Variants in ZFR2 observed in about 807,000 individuals in gnomAD.
The protein encoded by ZFR2 is zinc finger RNA-binding protein 2.
ZFR2 carries 104 observed loss-of-function variants against 105.7 expected under a neutral mutation model. The ratio of observed to expected loss-of-function variants is 0.98; its 90% confidence interval spans 0.84 to 1.16. The LOEUF (loss-of-function observed/expected upper bound fraction) is 1.16, where lower values mean the gene tolerates loss of function less well. ZFR2 is among the 50% of genes most tolerant of loss of function. ZFR2 has a pLI of 0.00. For synonymous variants in ZFR2, 634 were observed against 597.7 expected (o/e 1.06, Z -0.89); for missense variants, 1,425 against 1,355.5 (o/e 1.05, Z -0.80).
At position 3,805,832 on chromosome 19, in the gene ZFR2, G is replaced by T. The variant is rs565184141; in HGVS notation, c.*117C>A. ...GTGTTTTAAAGGAAACCTACAGAGCGTTACTCAAAAGGAAATGACCATTGT... is the reference window on the plus strand; with the variant it reads ...GTGTTTTAAAGGAAACCTACAGAGCTTTACTCAAAAGGAAATGACCATTGT... On this transcript the variant is annotated 3_prime_UTR_variant, in exon 19 of 19. Transcript: ENST00000262961. 2.6e-5 allele frequency: 32 copies of T among 1,213,562 alleles called. No individual in the cohort carries two copies. Among genetic ancestry groups the T allele is most frequent in the Non-Finnish European group, 3.2e-5 (29 of 910,280 alleles). 75.2% of individuals were successfully genotyped at this position (1,213,562 alleles called of 1,614,324 possible). A position where few individuals can be genotyped will look rare whatever the true frequency, so the allele number is the denominator to read the frequency against.
intron 1 of ZFR2, among the ~76,000 whole-genome samples, chr19:3,848,636 G>C (rs1179441836): frequency 6.6e-6 from 1 of 151,580 alleles, no homozygotes; most frequent in Non-Finnish European, 1.5e-5. Flanking sequence ...GAACCTAGTA[G>C]GTTGAGATCA....
rs2037784242 is a variant in ZFR2, at chr19:3,813,043, G to A, written c.2242+777C>T. 6.6e-6 allele frequency among the ~76,000 whole-genome samples: 1 copy of A among 152,206 alleles called. No homozygotes were observed. Among genetic ancestry groups the A allele is most frequent in the Non-Finnish European group, 1.5e-5 (1 of 68,042 alleles). ...TGCAGTGAGCTGAGATTGCGCCATT[G>A]CACTCCAGCCTGGGCAACAGAGCGA... On this transcript the variant is annotated intron_variant, in intron 14 of 18. Transcript: ENST00000262961. This position sits in a 1 kb window ranked among gnomAD's most constrained non-coding sequence, Gnocchi z 4.4.
At chr19:3,850,313 T>A (rs768498013) in intron 1 of ZFR2, among the ~76,000 whole-genome samples, 53 of 151,940 alleles carry the variant, frequency 3.5e-4, no homozygotes, top group Admixed American at 8.5e-4. Context: ...TCCTGGGTGC[T>A]GAGGGACAGA....
rs1365688137 is a variant in ZFR2 at position 3,838,412 on chromosome 19, G to C, written c.54-3429C>G. On this transcript the variant is annotated intron_variant, in intron 1 of 18. Coordinates refer to ENST00000262961, the MANE Select transcript of ZFR2 (RefSeq NM_015174.2). This position sits in a 1 kb window ranked among gnomAD's most constrained non-coding sequence, Gnocchi z 4.9. ...GGCTGCACTGAGCACCGACCGATGA[G>C]CCAAAGAGAGGAAGGTGGAAGGTTC... Among the ~76,000 whole-genome samples, 1 of 152,210 alleles carries C rather than the reference G, an allele frequency of 6.6e-6. No individual in the cohort carries two copies. Among genetic ancestry groups the C allele is most frequent in the Non-Finnish European group, 1.5e-5 (1 of 68,038 alleles).
In ZFR2 at chr19:3,823,386, C is replaced by A. The variant is rs1285887112; in HGVS notation, c.1231G>T (p.Ala411Ser). The A allele has an allele frequency of 1.2e-6, 2 of 1,610,748 alleles. No individual in the cohort carries two copies. Among genetic ancestry groups the A allele is most frequent in the African/African-American group, 2.7e-5 (2 of 74,780 alleles). ...ALCEGPPEPQ[A>S]AGCRPQWGKP... ...CCCCACTGGGGTCTGCAGCCTGCTG[C>A]CTGTGGCTCAGGAGGCCCTGAGGGG... Residue 411 changes from alanine (A) to serine (S), a missense_variant, in exon 8 of 19, where the codon GCA becomes TCA. Physicochemically the swap from Ala to Ser is moderately conservative, Grantham distance 99 (BLOSUM62 1). Coordinates refer to ENST00000262961, the MANE Select transcript of ZFR2 (RefSeq NM_015174.2). The surrounding 1 kb of genome is among the most constrained non-coding windows in gnomAD (Gnocchi z 5.4).
intron 1 of ZFR2, among the ~76,000 whole-genome samples, chr19:3,841,199 A>T (rs1207932479): frequency 6.6e-6 from 1 of 152,226 alleles, no homozygotes; most frequent in Non-Finnish European, 1.5e-5. Context: ...GAGTGCAAGG[A>T]GGGTGGAGGA....
At chr19:3,807,817 T>C (rs751570095) in intron 17 of ZFR2, among the ~76,000 whole-genome samples, 56 of 149,292 alleles carry the variant, frequency 3.8e-4, no homozygotes, top group Non-Finnish European at 6.7e-4. Flanking sequence ...TGTCCACGTG[T>C]GCCTGTATGT....
rs1318454810 is a variant in ZFR2, at chr19:3,820,180, A to G, written c.1740+2T>C. On this transcript the variant is annotated splice_donor_variant, in intron 11 of 18. Transcript: ENST00000262961. LOFTEE classifies it high-confidence loss of function. ...TTTGCACACAGAGGAAACTGTACCT[A>G]CCTGGAGTGGGGCGCTGGCGGGTGA... 1 of 1,551,752 alleles carries G rather than the reference A, an allele frequency of 6.4e-7. No individual in the cohort carries two copies. The highest frequency in any genetic ancestry group is 1.2e-5 in the South Asian group (1 of 84,130).
intron 12 of ZFR2, among the ~76,000 whole-genome samples, chr19:3,817,255 G>T (rs563810668): frequency 1.3e-5 from 2 of 152,060 alleles, no homozygotes; most frequent in African/African-American, 2.4e-5. Flanking sequence ...CTTCACGGGG[G>T]TTAAGAAAAT....
rs201164232 is a variant in ZFR2 at position 3,831,856 on chromosome 19, C to A, written c.402G>T (p.Gln134His). 2 of 1,591,810 alleles carry A rather than the reference C, an allele frequency of 1.3e-6. No individual in the cohort carries two copies. Among genetic ancestry groups the A allele is most frequent in the African/African-American group, 1.3e-5 (1 of 74,596 alleles). ...GQPGTQEACG[Q>H]PSPHGSHSHA... The stretch of plus-strand genomic sequence containing the variant: ...GGCTGTGACTGCCATGGGGGCTGGG[C>A]TGCCCGCAGGCTTCTTGGGTCCCTA... The change falls in exon 4 of 19, where the codon CAG (glutamine) becomes CAT (histidine). Residue 134 changes from glutamine to histidine, a missense_variant. Physicochemically the swap from Gln to His is conservative, Grantham distance 24. Coordinates refer to ENST00000262961, the MANE Select transcript of ZFR2 (RefSeq NM_015174.2).
At chr19:3,821,288 T>G in intron 10 of ZFR2, 52 bp downstream of exon 10, 1 of 1,502,186 alleles carries the variant, frequency 6.7e-7, no homozygotes, top group Non-Finnish European at 8.9e-7. Context: ...GGTTCCACGC[T>G]GGACCTGCCC....
chr19:3,809,196 G>T (rs780622919), intron 16 of ZFR2, among the ~76,000 whole-genome samples: 1 of 152,170 alleles, frequency 6.6e-6, no homozygotes, highest in Non-Finnish European at 1.5e-5. Context: ...TTCTGAGAGC[G>T]GAGTCTCGCT....
rs140182804 is a variant in ZFR2 at position 3,853,411 on chromosome 19, G to A, written c.53+15554C>T. Among the ~76,000 whole-genome samples, 564 of 152,234 alleles carry A rather than the reference G, an allele frequency of 3.7e-3. 2 individuals carry two copies. The highest frequency in any genetic ancestry group is 0.013 in the African/African-American group (536 of 41,522). On this transcript the variant is annotated intron_variant, in intron 1 of 18. Coordinates refer to ENST00000262961, the MANE Select transcript of ZFR2 (RefSeq NM_015174.2). Reference sequence around the variant, plus strand: ...AGTTACCTTAGGTTTCCCAGACCCCGGGTTGAGAATCCCTGCTGTCACAGG... The same window carrying A: ...AGTTACCTTAGGTTTCCCAGACCCCAGGTTGAGAATCCCTGCTGTCACAGG...
chr19:3,827,131 A>G (rs1177035292), intron 6 of ZFR2, among the ~76,000 whole-genome samples: 1 of 152,044 alleles, frequency 6.6e-6, no homozygotes, highest in East Asian at 1.9e-4. Flanking sequence ...GATCCCAGCT[A>G]CTCAGGAGGC....
At chr19:3,849,673 T>C (rs889193714) in intron 1 of ZFR2, among the ~76,000 whole-genome samples, 3 of 152,214 alleles carry the variant, frequency 2.0e-5, no homozygotes, top group Non-Finnish European at 2.9e-5. Flanking sequence ...GCCCATACTC[T>C]GGAAGGATCC....
At position 3,834,050 on chromosome 19, in the gene ZFR2, G is replaced by A. The variant is rs1280594407; in HGVS notation, c.265-272C>T. 1.3e-5 allele frequency among the ~76,000 whole-genome samples: 2 copies of A among 152,162 alleles called. No individual in the cohort carries two copies. The highest frequency in any genetic ancestry group is 2.1e-4 in the South Asian group (1 of 4,824). ...CAATTTACAAGAGGACGCTTGGTGC[G>A]GCAGGAGAGGGCGGGTTTGCAGGGA... On this transcript the variant is annotated intron_variant, in intron 2 of 18. Coordinates refer to ENST00000262961, the MANE Select transcript of ZFR2 (RefSeq NM_015174.2). This position sits in a 1 kb window ranked among gnomAD's most constrained non-coding sequence, Gnocchi z 5.3.
intron 1 of ZFR2, chr19:3,855,256 A>C: frequency 1.4e-6 from 1 of 737,138 alleles, no homozygotes; most frequent in Non-Finnish European, 1.9e-6. Flanking sequence ...CTTAGCATGG[A>C]AAATCATTTG....
Position 3,806,315 on chromosome 19 carries a change from T to A in ZFR2, c.2644-190A>T, listed in dbSNP as rs184060349. 3.0e-4 allele frequency among the ~76,000 whole-genome samples: 45 copies of A among 152,226 alleles called. No individual in the cohort carries two copies. The East Asian group carries it at 7.9e-3, about 27-fold the overall frequency. On this transcript the variant is annotated intron_variant, in intron 18 of 18. Transcript: ENST00000262961. ...TCTCGCTCTGTCACCCAGGCTGGAG[T>A]GCAGTGGCGCGATCTCAGCTCATTG...
At chr19:3,824,291 C>T (rs561386379) in intron 7 of ZFR2, among the ~76,000 whole-genome samples, 1 of 152,136 alleles carries the variant, frequency 6.6e-6, no homozygotes, top group Non-Finnish European at 1.5e-5. Context: ...CACAGTGAGA[C>T]TCTGTCTCAA....
Sources: gnomAD v4.1 joint callset for allele counts (sites outside exome capture counted in the v4.1 genomes callset) on GRCh38, gnomAD v4.1.1 for gene constraint, Gnocchi (gnomAD v3.1) non-coding constraint, MANE v1.5 for transcripts, NCBI Gene and HGNC (gene_info 2026-07-23, HGNC 2026-07-21) for gene names.